Variants in TXLNB observed in about 807,000 individuals in gnomAD.
TXLNB encodes beta-taxilin.
In TXLNB, 37 loss-of-function variants were observed where a neutral mutation model predicts 57.4. The ratio of observed to expected loss-of-function variants is 0.64; its 90% CI spans 0.50 to 0.85. The LOEUF is 0.85. Among genes scored for constraint, TXLNB ranks in the 40% least tolerant of loss-of-function variants. TXLNB has a pLI of 0.00. For missense variants in TXLNB, 848 were observed against 825.6 expected, an observed-to-expected ratio of 1.03 and a Z score of -0.33; for synonymous variants, 302 against 309.6, an observed-to-expected ratio of 0.98 and a Z score of 0.26.
intron 3 of TXLNB, among the ~76,000 whole-genome samples, chr6:139,275,324 C>A (rs557806596): frequency 6.6e-6 from 1 of 152,052 alleles, no homozygotes; most frequent in East Asian, 1.9e-4. Flanking sequence ...TTTGTGAAGA[C>A]TATATATTAT....
chr6:139,204,279 A>G, the TXLNB span, among the ~76,000 whole-genome samples: 1 of 152,060 alleles, frequency 6.6e-6, no homozygotes, highest in African/African-American at 2.4e-5. Context: ...GCTGGTGTTG[A>G]ACTCCTGACC....
chr6:139,309,660 C>T, the TXLNB span, among the ~76,000 whole-genome samples: 3 of 152,150 alleles, frequency 2.0e-5, no homozygotes, highest in Non-Finnish European at 2.9e-5. Context: ...CACAGTGGCT[C>T]ATACCTGTAA....
rs568360573 is a variant in TXLNB at position 139,241,923 on chromosome 6, T to C, written c.*603A>G. 1.3e-5 allele frequency: 2 copies of C among 152,308 alleles called. No individual in the cohort carries two copies. Among genetic ancestry groups the C allele is most frequent in the East Asian group, 1.9e-4 (1 of 5,188 alleles). The allele number at this position is 152,308 out of a possible 1,614,324, so 9.4% of individuals were successfully genotyped here. On this transcript the variant is annotated 3_prime_UTR_variant, in exon 10 of 10. Transcript: ENST00000358430. ...TTGATTAGCATCTAAATATTCTGCA[T>C]TGAGAAAAATGCATTAAGGGGTGAG...
rs370843595 is a variant in TXLNB at position 139,288,863 on chromosome 6, G to A, written c.37C>T (p.Arg13Ter). 4.8e-5 allele frequency: 78 copies of A among 1,613,956 alleles called. No individual in the cohort carries two copies. The highest frequency in any genetic ancestry group is 5.5e-5 in the Non-Finnish European group (65 of 1,180,012). ...CTGTCACCTGGAGGTGTTGACTGTCGTTCCGCTGAGAGCTGTTCAGAGTGA... is the reference window on the plus strand; with the variant it reads ...CTGTCACCTGGAGGTGTTGACTGTCATTCCGCTGAGAGCTGTTCAGAGTGA... Reference protein sequence around the residue: ...ANHSEQLSAERQSTPPGDSSS... With the variant: ...ANHSEQLSAE The change falls in exon 2 of 10, where the codon CGA becomes TGA. Residue 13 changes from arginine to a stop codon, truncating the protein, a stop_gained. Coordinates refer to ENST00000358430, the MANE Select transcript of TXLNB (RefSeq NM_153235.4). LOFTEE classifies it high-confidence loss of function.
chr6:139,230,475 T>C, the TXLNB span, among the ~76,000 whole-genome samples: 1 of 152,204 alleles, frequency 6.6e-6, no homozygotes, highest in Non-Finnish European at 1.5e-5. Flanking sequence ...GGACTCCGCC[T>C]CCAAGGACGT....
the TXLNB span, chr6:139,183,213 A>G: frequency 6.6e-6 from 1 of 152,170 alleles, no homozygotes; most frequent in Non-Finnish European, 1.5e-5. Context: ...TTAATGACTA[A>G]CTAGGAATTA....
At chr6:139,247,026 G>A (rs1776082482) in intron 8 of TXLNB, among the ~76,000 whole-genome samples, 1 of 152,204 alleles carries the variant, frequency 6.6e-6, no homozygotes, top group African/African-American at 2.4e-5. Context: ...CTCATTCAAG[G>A]CTCTGTCAGT....
the TXLNB span, among the ~76,000 whole-genome samples, chr6:139,193,998 C>T: frequency 1.9e-4 from 28 of 150,496 alleles, no homozygotes; most frequent in African/African-American, 3.9e-4. Flanking sequence ...CCCGCCACCA[C>T]GCCCGGCCAA....
At chr6:139,166,071 T>A in the TXLNB span, 15 of 490,700 alleles carry the variant, frequency 3.1e-5, no homozygotes, top group South Asian at 4.7e-4. Context: ...GCGTTGAAGG[T>A]CCTTTTTAGA....
chr6:139,287,409 G>C (rs1013362751), intron 2 of TXLNB: 1 of 152,216 alleles, frequency 6.6e-6, no homozygotes, highest in Non-Finnish European at 1.5e-5. Flanking sequence ...ACTCCAGTTT[G>C]TGATATATTT....
At chr6:139,323,390 C>A in the TXLNB span, among the ~76,000 whole-genome samples, 19 of 150,186 alleles carry the variant, frequency 1.3e-4, no homozygotes, top group African/African-American at 3.9e-4. Flanking sequence ...TCAAGCAATT[C>A]TCCTGCCTCA....
the TXLNB span, among the ~76,000 whole-genome samples, chr6:139,303,411 A>G: frequency 1.3e-5 from 2 of 152,314 alleles, no homozygotes; most frequent in African/African-American, 2.4e-5. Flanking sequence ...ATTCCATGAT[A>G]TATTAGGTTC....
the TXLNB span, among the ~76,000 whole-genome samples, chr6:139,199,016 A>G: frequency 6.8e-6 from 1 of 147,486 alleles, no homozygotes; most frequent in Non-Finnish European, 1.5e-5. Flanking sequence ...TCAATGTGCC[A>G]TCTCTTTCAT....
At chr6:139,224,833 C>T in the TXLNB span, among the ~76,000 whole-genome samples, 1 of 151,782 alleles carries the variant, frequency 6.6e-6, no homozygotes, top group African/African-American at 2.4e-5. Context: ...AACTTTTCCC[C>T]CAAGATAGAA....
intron 2 of TXLNB, among the ~76,000 whole-genome samples, chr6:139,279,783 A>G (rs986307724): frequency 5.3e-5 from 8 of 152,222 alleles, no homozygotes; most frequent in African/African-American, 1.7e-4. Flanking sequence ...GTGTTCTTCC[A>G]AAGCAAGCTT....
At chr6:139,167,261 A>G in the TXLNB span, 1 of 1,613,462 alleles carries the variant, frequency 6.2e-7, no homozygotes, top group Non-Finnish European at 8.5e-7. Flanking sequence ...GGTGGATGGA[A>G]CTTTGTTCCT....
chr6:139,203,752 T>C, the TXLNB span: 2 of 152,224 alleles, frequency 1.3e-5, no homozygotes, highest in Non-Finnish European at 2.9e-5. Context: ...ATAAGCTAAA[T>C]GTGGTTGACA....
At position 139,242,961 on chromosome 6, in the gene TXLNB, C is replaced by T; in HGVS notation, c.1620G>A (p.Glu540=). ...AAGGGATCAGAGGGGGTTGCTCTGG[C>T]TCCTTGAGAGCGGCGTCAGCACTCT... ...SQESADAALK[E]PEQPPLIPSR... The change falls in exon 10 of 10, where the codon GAG becomes GAA. Residue 540 remains glutamate, a synonymous_variant. Coordinates refer to ENST00000358430, the MANE Select transcript of TXLNB (RefSeq NM_153235.4). 1.2e-6 allele frequency: 2 copies of T among 1,614,162 alleles called. No individual in the cohort carries two copies. Among genetic ancestry groups the T allele is most frequent in the Non-Finnish European group, 1.7e-6 (2 of 1,180,036 alleles).
At chr6:139,285,257 AACACACACAC>A (rs57409101) in intron 2 of TXLNB, among the ~76,000 whole-genome samples, 3,416 of 120,008 alleles carry the variant, frequency 0.028, 309 homozygotes, top group African/African-American at 0.048. Flanking sequence ...CTTTCCCCTC[AACACACACAC>A]ACACACACAC....
Sources: allele counts gnomAD v4.1 joint callset (sites outside exome capture counted in the v4.1 genomes callset), GRCh38; gene constraint gnomAD v4.1.1; transcripts MANE v1.5; gene names NCBI Gene and HGNC (gene_info 2026-07-23, HGNC 2026-07-21).